The following ZYG11B variants were observed in gnomAD, a reference collection of about 807,000 sequenced individuals.
ZYG11B encodes the protein zyg-11 family member B, cell cycle regulator.
Under a neutral mutation model 82.4 loss-of-function variants are expected in ZYG11B, and 36 were observed. The observed-to-expected ratio is 0.44, with a 90% CI of 0.33 to 0.58. ZYG11B has a LOEUF of 0.58. Ranked by LOEUF, ZYG11B falls within the 20% of genes least tolerant of loss-of-function variation. The pLI, the probability that ZYG11B is intolerant of heterozygous loss-of-function variation, is 0.02. For synonymous variants in ZYG11B, 303 were observed against 312.8 expected, an observed-to-expected ratio of 0.97 and a Z score of 0.33; for missense variants, 552 against 895.6, an observed-to-expected ratio of 0.62 and a Z score of 4.90.
At chr1:52,765,052 CTT>C (rs879681687) in intron 2 of ZYG11B, among the ~76,000 whole-genome samples, 5 of 142,708 alleles carry the variant, frequency 3.5e-5, no homozygotes, top group Admixed American at 7.1e-5. Flanking sequence ...TCTGAGTGAT[CTT>C]TTTTTTTTTT....
Position 52,813,521 on chromosome 1 carries a change from C to CTTTT in ZYG11B, c.1696-8_1696-5dup, listed in dbSNP as rs760756606. On this transcript the variant is annotated splice_polypyrimidine_tract_variant and intron_variant, in intron 10 of 13. Coordinates refer to ENST00000294353, the MANE Select transcript of ZYG11B (RefSeq NM_024646.3). ...CATATTACATTAATTTTTATATTTTCTTTTTTTTTTCCAGAACAATATAGC... is the reference window on the plus strand; with the variant it reads ...CATATTACATTAATTTTTATATTTTCTTTTTTTTTTTTTTCCAGAACAATATAGC... The CTTTT allele has an allele frequency of 7.7e-7, 1 of 1,302,472 alleles. No homozygotes were observed. Among genetic ancestry groups the CTTTT allele is most frequent in the African/African-American group, 1.5e-5 (1 of 65,856 alleles). The allele number at this position is 1,302,472 out of a possible 1,614,324, so 80.7% of individuals were successfully genotyped here.
intron 4 of ZYG11B, among the ~76,000 whole-genome samples, chr1:52,782,815 C>T (rs1428115573): frequency 6.6e-6 from 1 of 151,958 alleles, no homozygotes; most frequent in East Asian, 1.9e-4. Flanking sequence ...GAGGCAGGTT[C>T]TTGCTGTGTT....
At chr1:52,772,132 G>T in intron 3 of ZYG11B, 15 of 1,083,172 alleles carry the variant, frequency 1.4e-5, no homozygotes, top group Admixed American at 7.2e-5. Flanking sequence ...TGGTTTTTTT[G>T]TTTTTGTTTT....
chr1:52,783,120 T>G (rs1355016196), intron 4 of ZYG11B, among the ~76,000 whole-genome samples: 6 of 151,816 alleles, frequency 4.0e-5, no homozygotes, highest in Admixed American at 3.9e-4. Context: ...AGAGACGAGG[T>G]TTCACCATGT....
At chr1:52,766,391 C>T (rs1217624454) in intron 2 of ZYG11B, among the ~76,000 whole-genome samples, 1 of 151,526 alleles carries the variant, frequency 6.6e-6, no homozygotes, top group Non-Finnish European at 1.5e-5. Context: ...AGTGCCACCG[C>T]GCCTGGTCTG....
chr1:52,817,306 A>G (rs962024957), intron 13 of ZYG11B, among the ~76,000 whole-genome samples: 11 of 152,138 alleles, frequency 7.2e-5, no homozygotes, highest in African/African-American at 2.7e-4. Context: ...CTGTTGTTCA[A>G]GATGTCGCTG....
chr1:52,745,596 A>T (rs954433961), intron 1 of ZYG11B, among the ~76,000 whole-genome samples: 1 of 151,918 alleles, frequency 6.6e-6, no homozygotes, highest in Non-Finnish European at 1.5e-5. Context: ...ATGGAGTCTC[A>T]CTCTGTTGCC....
At chr1:52,750,744 C>G (rs1644515621) in intron 1 of ZYG11B, among the ~76,000 whole-genome samples, 1 of 152,178 alleles carries the variant, frequency 6.6e-6, no homozygotes, top group Non-Finnish European at 1.5e-5. Context: ...CCTGTGCCCA[C>G]TAGCATTCAC....
intron 6 of ZYG11B, among the ~76,000 whole-genome samples, chr1:52,794,195 C>G (rs1461304722): frequency 6.6e-6 from 1 of 152,038 alleles, no homozygotes; most frequent in African/African-American, 2.4e-5. Flanking sequence ...AGGATGGTCT[C>G]TATCTCTTGA....
At position 52,759,765 on chromosome 1, in the gene ZYG11B, G is replaced by A. The variant is rs549476087; in HGVS notation, c.196+3142G>A. Among the ~76,000 whole-genome samples, 43 of 152,052 alleles carry A rather than the reference G, an allele frequency of 2.8e-4. No individual in the cohort carries two copies. In the South Asian group the frequency reaches 8.3e-3, roughly 29 times the overall value. ...AAAGTTGCTTTATACATTTTTCTTCGTGTTTGAAAATATTCATACTGGGAA... is the reference window on the plus strand; with the variant it reads ...AAAGTTGCTTTATACATTTTTCTTCATGTTTGAAAATATTCATACTGGGAA... On this transcript the variant is annotated intron_variant, in intron 2 of 13. Transcript: ENST00000294353.
At chr1:52,772,841 C>A (rs1199905506) in intron 3 of ZYG11B, among the ~76,000 whole-genome samples, 5 of 151,976 alleles carry the variant, frequency 3.3e-5, no homozygotes, top group Non-Finnish European at 7.4e-5. Flanking sequence ...CCACGCCTGG[C>A]TAATTTTTTG....
chr1:52,770,089 TATA>T lies in ZYG11B; in HGVS notation c.197-930_197-928del, dbSNP rs1389750776. Among the ~76,000 whole-genome samples the T allele has an allele frequency of 3.3e-3, 223 of 68,016 alleles. 1 individual carries two copies. Among genetic ancestry groups the T allele is most frequent in the African/African-American group, 0.01 (209 of 20,846 alleles). 44.6% of individuals were successfully genotyped at this position (68,016 alleles called of 152,430 possible). On this transcript the variant is annotated intron_variant, in intron 2 of 13. Transcript: ENST00000294353. ...TGTAACTACTATATATATATATATA[TATA>T]TTTTTTTTTTTTTTTCAGAGACAGG...
intron 6 of ZYG11B, among the ~76,000 whole-genome samples, chr1:52,794,184 C>T (rs6684739): frequency 1.3e-5 from 2 of 152,012 alleles, no homozygotes; most frequent in Non-Finnish European, 1.5e-5. Flanking sequence ...CCATGTTTGC[C>T]AGGATGGTCT....
intron 4 of ZYG11B, among the ~76,000 whole-genome samples, chr1:52,780,667 G>T (rs1381938267): frequency 1.3e-5 from 2 of 152,106 alleles, no homozygotes; most frequent in Non-Finnish European, 2.9e-5. Flanking sequence ...CCCCAGGCAA[G>T]AGTGCAGTGG....
chr1:52,769,279 T>G (rs1644726002), intron 2 of ZYG11B, among the ~76,000 whole-genome samples: 1 of 152,088 alleles, frequency 6.6e-6, no homozygotes, highest in African/African-American at 2.4e-5. Flanking sequence ...ACTACATTGT[T>G]TAATCGAAAT....
intron 1 of ZYG11B, among the ~76,000 whole-genome samples, chr1:52,728,305 G>A (rs1336057664): frequency 4.6e-5 from 7 of 152,198 alleles, no homozygotes; most frequent in Non-Finnish European, 7.3e-5. Context: ...GGCCCAGGCT[G>A]GAATGCAGTG....
chr1:52,815,568 T>TGA (rs1198711256), intron 12 of ZYG11B, among the ~76,000 whole-genome samples: 1 of 151,932 alleles, frequency 6.6e-6, no homozygotes, highest in African/African-American at 2.4e-5. Flanking sequence ...TGCAATGAGT[T>TGA]GAGATCGCCT....
At chr1:52,766,965 G>A (rs560294170) in intron 2 of ZYG11B, among the ~76,000 whole-genome samples, 2 of 149,918 alleles carry the variant, frequency 1.3e-5, no homozygotes, top group East Asian at 2.0e-4. Context: ...CCCAGATCGC[G>A]CCACTGCACT....
intron 10 of ZYG11B, among the ~76,000 whole-genome samples, chr1:52,806,210 A>T (rs1645140411): frequency 6.6e-6 from 1 of 152,258 alleles, no homozygotes; most frequent in South Asian, 2.1e-4. Context: ...TAAATATTCC[A>T]TGTACACTTG....
Sources: allele counts gnomAD v4.1 joint callset (sites outside exome capture counted in the v4.1 genomes callset), GRCh38; gene constraint gnomAD v4.1.1; transcripts MANE v1.5; gene names NCBI Gene and HGNC (gene_info 2026-07-23, HGNC 2026-07-21).